The following DACH2 variants were observed in gnomAD, a reference collection of about 807,000 sequenced individuals.
DACH2 encodes the protein dachshund family transcription factor 2.
A neutral mutation model predicts 35.8 loss-of-function variants in DACH2; 17 were observed. That is an observed-to-expected ratio of 0.48 (90% CI 0.33 to 0.71). The LOEUF is 0.71. Among genes scored for constraint, DACH2 ranks in the 30% least tolerant of loss-of-function variants. The pLI, the probability that DACH2 is intolerant of heterozygous loss-of-function variation, is 0.02. For synonymous variants in DACH2, 195 were observed against 177.3 expected (o/e 1.10, Z -0.79); for missense variants, 469 against 472.7 (o/e 0.99, Z 0.07).
chrX:86,801,326 G>T (rs2042292447), intron 7 of DACH2, among the ~76,000 whole-genome samples: 1 of 110,229 alleles, frequency 9.1e-6, no homozygotes, highest in South Asian at 3.9e-4. Context: ...AAACTCCTGG[G>T]CTCAAGTGAT....
chrX:86,329,409 A>G (rs1362386440), intron 1 of DACH2, among the ~76,000 whole-genome samples: 1 of 111,337 alleles, frequency 9.0e-6, no homozygotes, highest in Non-Finnish European at 1.9e-5. Context: ...TGAGATGTGA[A>G]GTATGCTTCC....
intron 11 of DACH2, chrX:86,828,432 T>G (rs1313002618): frequency 9.0e-6 from 1 of 111,230 alleles, no homozygotes; most frequent in Non-Finnish European, 1.9e-5. Flanking sequence ...CCCTTTCTAC[T>G]AGCACATTCC....
rs182343422 is a variant in DACH2, at chrX:86,155,200, C to T, written c.488+6092C>T. ...TCCTTACTAATAAGCTTTTTGTTGGCTTAATGCAGCTGCAATATACTCTTA... is the reference window on the plus strand; with the variant it reads ...TCCTTACTAATAAGCTTTTTGTTGGTTTAATGCAGCTGCAATATACTCTTA... On this transcript the variant is annotated intron_variant, in intron 1 of 11. Transcript: ENST00000373125. Among the ~76,000 whole-genome samples, 364 of 110,528 alleles carry T rather than the reference C, an allele frequency of 3.3e-3. 1 individual carries two copies. The highest frequency in any genetic ancestry group is 0.011 in the African/African-American group (345 of 30,582).
chrX:86,820,431 C>A (rs1405760770), intron 11 of DACH2, among the ~76,000 whole-genome samples: 2 of 109,923 alleles, frequency 1.8e-5, no homozygotes, highest in South Asian at 3.8e-4. Context: ...GAAAGGAAAC[C>A]AAAATTTGAT....
intron 2 of DACH2, among the ~76,000 whole-genome samples, chrX:86,433,510 C>CT (rs2037017957): frequency 8.9e-6 from 1 of 111,887 alleles, no homozygotes; most frequent in Admixed American, 9.5e-5. Context: ...TTTCTTCCTT[C>CT]TTTTTTTCAT....
intron 2 of DACH2, among the ~76,000 whole-genome samples, chrX:86,420,213 A>C (rs973674844): frequency 4.5e-5 from 5 of 112,043 alleles, no homozygotes; most frequent in Non-Finnish European, 9.4e-5. Flanking sequence ...GTGAAGGTAC[A>C]GTGCCAGTGC....
At chrX:86,513,722 C>T (rs1450695535) in intron 2 of DACH2, among the ~76,000 whole-genome samples, 2 of 112,010 alleles carry the variant, frequency 1.8e-5, no homozygotes, top group African/African-American at 3.2e-5. Flanking sequence ...TGTTATACAG[C>T]TTGGTTTAAA....
At chrX:86,546,357 C>CTTCTTCTTCTTCTTCTTCTTCT (rs2038959347) in intron 3 of DACH2, among the ~76,000 whole-genome samples, 6 of 50,068 alleles carry the variant, frequency 1.2e-4, no homozygotes, top group Non-Finnish European at 1.6e-4. Flanking sequence ...CTTCTTCTTC[C>CTTCTTCTTCTTCTTCTTCTTCT]TCTTCTTCTT....
At chrX:86,812,812 G>C (rs200206494) in intron 7 of DACH2, 44 bp from the exon 8 acceptor site, 3 of 1,075,862 alleles carry the variant, frequency 2.8e-6, no homozygotes, top group Non-Finnish European at 3.7e-6. Flanking sequence ...AGACTTTTGA[G>C]CTCTTAATCT....
intron 3 of DACH2, among the ~76,000 whole-genome samples, chrX:86,536,100 G>A (rs905131918): frequency 2.7e-5 from 3 of 110,970 alleles, no homozygotes; most frequent in African/African-American, 9.8e-5. Context: ...GGGAGAGAGG[G>A]AGAGAAGACA....
intron 1 of DACH2, among the ~76,000 whole-genome samples, chrX:86,200,635 C>CA (rs56012558): frequency 0.013 from 599 of 47,612 alleles, 14 homozygotes; most frequent in East Asian, 0.036. Context: ...TGAACTTTTC[C>CA]AAAAAAAAAA....
At chrX:86,322,576 C>T (rs774086890) in intron 1 of DACH2, among the ~76,000 whole-genome samples, 43 of 111,765 alleles carry the variant, frequency 3.8e-4, no homozygotes, top group African/African-American at 1.4e-3. Flanking sequence ...GTCACAATTG[C>T]CTATGTGACC....
intron 7 of DACH2, among the ~76,000 whole-genome samples, chrX:86,760,792 T>C (rs981442312): frequency 1.1e-4 from 12 of 111,299 alleles, no homozygotes; most frequent in African/African-American, 3.9e-4. Flanking sequence ...CTGTCCTTTT[T>C]TTTTTTCCTG....
At chrX:86,418,949 G>A (rs2036754804) in intron 2 of DACH2, among the ~76,000 whole-genome samples, 1 of 111,693 alleles carries the variant, frequency 9.0e-6, no homozygotes, top group African/African-American at 3.3e-5. Flanking sequence ...CAAGTTCAAA[G>A]TTCCACAAGT....
At chrX:86,787,923 A>C (rs2147318718) in intron 7 of DACH2, among the ~76,000 whole-genome samples, 1 of 111,577 alleles carries the variant, frequency 9.0e-6, no homozygotes, top group East Asian at 2.8e-4. Flanking sequence ...CAGGAGTAAA[A>C]GGAAGTAAAG....
intron 5 of DACH2, among the ~76,000 whole-genome samples, chrX:86,710,306 G>A (rs376182055): frequency 8.0e-5 from 9 of 112,060 alleles, no homozygotes; most frequent in African/African-American, 2.9e-4. Context: ...GTAGCATTCA[G>A]GTAAAGGCAA....
At chrX:86,551,377 C>A (rs1409385340) in intron 3 of DACH2, among the ~76,000 whole-genome samples, 1 of 111,902 alleles carries the variant, frequency 8.9e-6, no homozygotes, top group Non-Finnish European at 1.9e-5. Flanking sequence ...ATACTGCTGA[C>A]TCTGAGTTAT....
At chrX:86,785,192 A>G in intron 7 of DACH2, among the ~76,000 whole-genome samples, 1 of 111,784 alleles carries the variant, frequency 8.9e-6, no homozygotes, top group Non-Finnish European at 1.9e-5. Context: ...AGGGGAGATG[A>G]TCATGCAAAT....
At chrX:86,798,033 A>T (rs1182070842) in intron 7 of DACH2, among the ~76,000 whole-genome samples, 4 of 112,612 alleles carry the variant, frequency 3.6e-5, no homozygotes, top group Non-Finnish European at 7.5e-5. Context: ...ATTGGAAAAC[A>T]TCTAAAGTTA....
Sources: allele counts gnomAD v4.1 joint callset (sites outside exome capture counted in the v4.1 genomes callset), GRCh38; gene constraint gnomAD v4.1.1; transcripts MANE v1.5; gene names NCBI Gene and HGNC (gene_info 2026-07-23, HGNC 2026-07-21).